Variants in C2orf92 observed in about 807,000 individuals in gnomAD.
The protein encoded by C2orf92 is chromosome 2 open reading frame 92, also known as uncharacterized protein C2orf92.
At chr2:97,667,863 G>GC (rs1167774301), upstream of C2orf92, 1 of 152,026 alleles carries the variant, frequency 6.6e-6, no homozygotes, top group Non-Finnish European at 1.5e-5. Context: ...AAACATCATT[G>GC]TTTTTTTAGA....
chr2:97,690,148 CA>C (rs753393989), intron 4 of C2orf92, 107 bp from the exon 5 acceptor site: 3 of 350,174 alleles, frequency 8.6e-6, no homozygotes, highest in South Asian at 1.5e-4. Flanking sequence ...AAAAAAACCA[CA>C]AAAAAACCAA....
upstream of C2orf92, among the ~76,000 whole-genome samples, chr2:97,667,430 GTTTT>G (rs1203203673): frequency 3.4e-5 from 4 of 118,814 alleles, no homozygotes; most frequent in Non-Finnish European, 5.4e-5. Context: ...GCCCAGCTAA[GTTTT>G]TTTTTTTTTT....
rs370378341 is a variant in C2orf92, at chr2:97,679,936, C to T, written c.232+4008C>T. 2.0e-4 allele frequency among the ~76,000 whole-genome samples: 30 copies of T among 151,388 alleles called. No homozygotes were observed. The South Asian group carries it at 3.3e-3, about 17-fold the overall frequency. The stretch of plus-strand genomic sequence containing the variant: ...AAAAAAAGCAGTAATGGGGGAATGA[C>T]GAGCAAAAGAAAACACACACAAAAC... On this transcript the variant is annotated intron_variant, in intron 3 of 7. Transcript: ENST00000627399.
At chr2:97,689,066 C>T in intron 4 of C2orf92, 73 bp downstream of exon 4, 5 of 398,160 alleles carry the variant, frequency 1.3e-5, no homozygotes, top group Non-Finnish European at 2.2e-5. Context: ...ATGTGCTATA[C>T]TATCATACTA....
Position 97,688,961 on chromosome 2 carries a change from T to G in C2orf92, c.299T>G (p.Val100Gly). The change falls in exon 4 of 8, where the codon GTC becomes GGC. Residue 100 changes from valine (V) to glycine (G), a missense_variant. Coordinates refer to ENST00000627399, the MANE Select transcript of C2orf92 (RefSeq NM_001351368.2). The stretch of plus-strand genomic sequence containing the variant: ...CCATCATTTAACGAAGCAACAGCAG[T>G]CAGATCCATTACAAAGACAGACATG... The part of the protein sequence containing the change: ...YDPSFNEATA[V>G]RSITKTDMRK... The G allele has an allele frequency of 2.5e-6, 1 of 398,600 alleles. No individual in the cohort carries two copies. Among genetic ancestry groups the G allele is most frequent in the Non-Finnish European group, 4.4e-6 (1 of 226,050 alleles). 24.7% of individuals were successfully genotyped at this position (398,600 alleles called of 1,614,324 possible).
In C2orf92 at chr2:97,695,275, C is replaced by T. The variant is rs115848298; in HGVS notation, c.404-3751C>T. Reference sequence around the variant, plus strand: ...TTTCTGCTCTATGTTTTTCTCTAAACGTTTTTATAGTTTTAGGTATTACAT... The same window carrying T: ...TTTCTGCTCTATGTTTTTCTCTAAATGTTTTTATAGTTTTAGGTATTACAT... On this transcript the variant is annotated intron_variant, in intron 5 of 7. Coordinates refer to ENST00000627399, the MANE Select transcript of C2orf92 (RefSeq NM_001351368.2). Among the ~76,000 whole-genome samples, 262 of 152,226 alleles carry T rather than the reference C, an allele frequency of 1.7e-3. 1 individual carries two copies. Among genetic ancestry groups the T allele is most frequent in the African/African-American group, 5.6e-3 (234 of 41,540 alleles).
At chr2:97,680,038 G>A (rs1251158848) in intron 3 of C2orf92, among the ~76,000 whole-genome samples, 1 of 152,040 alleles carries the variant, frequency 6.6e-6, no homozygotes, top group East Asian at 1.9e-4. Context: ...GGTGGCTCAC[G>A]CCTGTAAGCC....
At chr2:97,680,349 T>C (rs1675727879) in intron 3 of C2orf92, among the ~76,000 whole-genome samples, 1 of 152,200 alleles carries the variant, frequency 6.6e-6, no homozygotes. Context: ...TTTTAATCAG[T>C]AATCACATTA....
In C2orf92 at chr2:97,701,148, A is replaced by G. The variant is rs561357350; in HGVS notation, c.515-6A>G. 260 of 398,900 alleles carry G rather than the reference A, an allele frequency of 6.5e-4. 3 individuals carry two copies. The highest frequency in any genetic ancestry group is 4.0e-3 in the Admixed American group (91 of 22,730). 24.7% of individuals were successfully genotyped at this position (398,900 alleles called of 1,614,324 possible). ...TGTTCACTCTGCGCTGTGTCTTCTCATTTAGATGCTCACTTTAGGACTATG... is the reference window on the plus strand; with the variant it reads ...TGTTCACTCTGCGCTGTGTCTTCTCGTTTAGATGCTCACTTTAGGACTATG... On this transcript the variant is annotated splice_polypyrimidine_tract_variant and splice_region_variant and intron_variant, in intron 6 of 7. Coordinates refer to ENST00000627399, the MANE Select transcript of C2orf92 (RefSeq NM_001351368.2).
At chr2:97,679,847 A>G (rs1675707424) in intron 3 of C2orf92, among the ~76,000 whole-genome samples, 1 of 150,976 alleles carries the variant, frequency 6.6e-6, no homozygotes, top group South Asian at 2.1e-4. Flanking sequence ...CAAAAAAAAA[A>G]AAAAAAGAAA....
chr2:97,690,373 T>G, intron 5 of C2orf92, 46 bp downstream of exon 5: 1 of 397,774 alleles, frequency 2.5e-6, no homozygotes, highest in South Asian at 1.3e-4. Flanking sequence ...GGTAAGTCAT[T>G]GTTCTTTTTC....
At chr2:97,697,347 G>A (rs1300234193) in intron 5 of C2orf92, 3 of 152,194 alleles carry the variant, frequency 2.0e-5, no homozygotes, top group Non-Finnish European at 2.9e-5. Context: ...CGTCCATACT[G>A]ACGATAAGAA....
upstream of C2orf92, among the ~76,000 whole-genome samples, chr2:97,664,908 G>A (rs1029071130): frequency 6.6e-6 from 1 of 152,192 alleles, no homozygotes; most frequent in Admixed American, 6.5e-5. Context: ...CTGAAGAAAA[G>A]ATCCTTTTCC....
At chr2:97,667,789 AT>A (rs1261068072), upstream of C2orf92, among the ~76,000 whole-genome samples, 2 of 152,148 alleles carry the variant, frequency 1.3e-5, no homozygotes, top group Non-Finnish European at 2.9e-5. Flanking sequence ...TCTTTAAAAA[AT>A]GTCTTCCTTT....
chr2:97,673,758 G>A (rs544981240), intron 1 of C2orf92, among the ~76,000 whole-genome samples: 1 of 152,126 alleles, frequency 6.6e-6, no homozygotes, highest in East Asian at 1.9e-4. Flanking sequence ...CACACACCAG[G>A]TCACCTTCCT....
At chr2:97,701,344 G>A (rs991428794) in intron 7 of C2orf92, 40 bp downstream of exon 7, 7 of 398,130 alleles carry the variant, frequency 1.8e-5, no homozygotes, top group African/African-American at 1.2e-4. Flanking sequence ...AAGAACCCGC[G>A]GGTGTTAGAA....
chr2:97,693,175 C>A (rs1676196472), intron 5 of C2orf92, among the ~76,000 whole-genome samples: 1 of 152,122 alleles, frequency 6.6e-6, no homozygotes, highest in Non-Finnish European at 1.5e-5. Flanking sequence ...CTTTTTAAGG[C>A]TGAATAATAT....
intron 5 of C2orf92, among the ~76,000 whole-genome samples, chr2:97,696,211 G>A (rs1466620463): frequency 1.3e-5 from 2 of 152,222 alleles, no homozygotes; most frequent in Non-Finnish European, 2.9e-5. Flanking sequence ...GGAGTTCTGG[G>A]AGAACAAGAG....
Position 97,679,174 on chromosome 2 carries a change from GA to G in C2orf92, c.232+3257del, listed in dbSNP as rs55749123. ...GACATTTAACAGTCACTTGACATAA[GA>G]AAAAAAAAAATGCTGGTAAAGGTAA... On this transcript the variant is annotated intron_variant, in intron 3 of 7. Transcript: ENST00000627399. 4.3e-3 allele frequency among the ~76,000 whole-genome samples: 629 copies of G among 147,764 alleles called. 7 individuals are homozygous for G. Among genetic ancestry groups the G allele is most frequent in the African/African-American group, 0.014 (555 of 39,764 alleles).
Sources: gnomAD v4.1 joint callset for allele counts (sites outside exome capture counted in the v4.1 genomes callset) on GRCh38, gnomAD v4.1.1 for gene constraint, MANE v1.5 for transcripts, NCBI Gene and HGNC (gene_info 2026-07-23, HGNC 2026-07-21) for gene names.